The following INPP5A variants were observed in gnomAD, a reference collection of about 807,000 sequenced individuals.
The protein encoded by INPP5A is inositol polyphosphate-5-phosphatase A.
A neutral mutation model predicts 65.2 loss-of-function variants in INPP5A; 14 were observed. The observed-to-expected ratio is 0.21, with a 90% CI of 0.14 to 0.34. The LOEUF (loss-of-function observed/expected upper bound fraction) is 0.34. Among genes scored for constraint, INPP5A ranks in the 10% least tolerant of loss-of-function variants. The pLI is 1.00. For missense variants in INPP5A, 431 were observed against 545.6 expected (o/e 0.79, Z 2.09); for synonymous variants, 207 against 208.3 (o/e 0.99, Z 0.05).
At chr10:132,647,546 G>C (rs982002641) in intron 3 of INPP5A, among the ~76,000 whole-genome samples, 12 of 152,338 alleles carry the variant, frequency 7.9e-5, no homozygotes, top group African/African-American at 2.6e-4. Context: ...AAACAAAGTG[G>C]GTTCTCACCC....
rs1394406898 is a variant in INPP5A at position 132,705,204 on chromosome 10, G to A, written c.475-3109G>A. Among the ~76,000 whole-genome samples the A allele has an allele frequency of 3.9e-5, 6 of 152,196 alleles. No homozygotes were observed. In the East Asian group the frequency reaches 5.8e-4, roughly 15 times the overall value. ...TGTTTCCATTGCAGACACAGTTACC[G>A]ACAGGAAATGAACACAGAGGCTCCC... On this transcript the variant is annotated intron_variant, in intron 6 of 15. Transcript: ENST00000368594. This position sits in a 1 kb window ranked among gnomAD's most constrained non-coding sequence, Gnocchi z 4.9.
At chr10:132,690,974 C>G (rs1013942994) in intron 5 of INPP5A, among the ~76,000 whole-genome samples, 8 of 152,128 alleles carry the variant, frequency 5.3e-5, no homozygotes, top group African/African-American at 1.9e-4. Flanking sequence ...CTCCACACGG[C>G]CTGGGGGTGT....
At chr10:132,612,360 A>G (rs1252922709) in intron 2 of INPP5A, among the ~76,000 whole-genome samples, 2 of 151,996 alleles carry the variant, frequency 1.3e-5, no homozygotes, top group African/African-American at 4.8e-5. Flanking sequence ...GTCTTATCAC[A>G]TGGTGAGCCT....
intron 13 of INPP5A, among the ~76,000 whole-genome samples, chr10:132,780,223 C>T (rs1050879255): frequency 2.2e-4 from 33 of 152,338 alleles, no homozygotes; most frequent in African/African-American, 7.2e-4. Flanking sequence ...CAACCAGAGC[C>T]GAGTGCTGAC....
At chr10:132,754,162 TCCCC>T (rs1291004482) in intron 11 of INPP5A, among the ~76,000 whole-genome samples, 1 of 152,088 alleles carries the variant, frequency 6.6e-6, no homozygotes, top group African/African-American at 2.4e-5. Context: ...CCACACAGGA[TCCCC>T]CCGCCACCTG....
At chr10:132,594,934 G>A (rs183084771) in intron 1 of INPP5A, among the ~76,000 whole-genome samples, 11 of 152,300 alleles carry the variant, frequency 7.2e-5, no homozygotes, top group East Asian at 1.9e-4. Context: ...AGTGGCTTTC[G>A]TTGTTTTCTT....
At position 132,550,054 on chromosome 10, in the gene INPP5A, T is replaced by C. The variant is rs1299267170; in HGVS notation, c.75+11883T>C. On this transcript the variant is annotated intron_variant, in intron 1 of 15. Coordinates refer to ENST00000368594, the MANE Select transcript of INPP5A (RefSeq NM_005539.5). This position sits in a 1 kb window ranked among gnomAD's most constrained non-coding sequence, Gnocchi z 4.2. ...CGGGCATTAGGGGATGGGGTCAGCC[T>C]CGAGTTACTAACCGGGCATTAGGGG... Among the ~76,000 whole-genome samples, 409 of 117,972 alleles carry C rather than the reference T, an allele frequency of 3.5e-3. No homozygotes were observed. The highest frequency in any genetic ancestry group is 0.013 in the African/African-American group (385 of 29,420). The allele number at this position is 117,972 out of a possible 152,430, so 77.4% of individuals were successfully genotyped here.
At chr10:132,654,979 TA>T (rs1361618078) in intron 4 of INPP5A, among the ~76,000 whole-genome samples, 1 of 152,156 alleles carries the variant, frequency 6.6e-6, no homozygotes, top group Non-Finnish European at 1.5e-5. Flanking sequence ...ATGAGGATAT[TA>T]GGCTGGGCGC....
chr10:132,634,356 C>T (rs1402275442), intron 2 of INPP5A, among the ~76,000 whole-genome samples: 1 of 145,382 alleles, frequency 6.9e-6, no homozygotes, highest in African/African-American at 2.7e-5. Flanking sequence ...CCCGGAGAGG[C>T]GTATCATCTC....
intron 2 of INPP5A, among the ~76,000 whole-genome samples, chr10:132,612,143 T>C (rs1431134727): frequency 1.3e-5 from 1 of 78,408 alleles, no homozygotes; most frequent in Non-Finnish European, 2.5e-5. Flanking sequence ...TGAGGGAGGT[T>C]ATGAGTTCGT....
At chr10:132,606,855 A>G (rs753793872) in intron 1 of INPP5A, among the ~76,000 whole-genome samples, 23 of 152,220 alleles carry the variant, frequency 1.5e-4, no homozygotes, top group Non-Finnish European at 2.1e-4. Flanking sequence ...AACCCACAAC[A>G]TTAAATTTAC....
chr10:132,752,210 C>T (rs1846498459), intron 11 of INPP5A, among the ~76,000 whole-genome samples: 2 of 151,870 alleles, frequency 1.3e-5, no homozygotes, highest in South Asian at 2.1e-4. Context: ...AGAGCTGGCT[C>T]CTCAGTGCCA....
At chr10:132,731,038 C>A (rs1180527255) in intron 9 of INPP5A, among the ~76,000 whole-genome samples, 1 of 152,208 alleles carries the variant, frequency 6.6e-6, no homozygotes, top group Non-Finnish European at 1.5e-5. Context: ...CTCAGCTGCT[C>A]CCCAGTGCAT....
intron 7 of INPP5A, among the ~76,000 whole-genome samples, chr10:132,710,030 C>T (rs1021724876): frequency 1.3e-5 from 2 of 152,278 alleles, no homozygotes; most frequent in African/African-American, 4.8e-5. Flanking sequence ...GTGGCCCTTC[C>T]TCTTAGCTTA....
intron 1 of INPP5A, among the ~76,000 whole-genome samples, chr10:132,569,697 T>C (rs1053570325): frequency 9.4e-5 from 14 of 149,532 alleles, no homozygotes; most frequent in African/African-American, 2.2e-4. Flanking sequence ...AGAGATGGGG[T>C]TTCGCCATAT....
chr10:132,781,583 G>A (rs575787637), intron 14 of INPP5A, among the ~76,000 whole-genome samples: 1 of 152,304 alleles, frequency 6.6e-6, no homozygotes, highest in South Asian at 2.1e-4. Context: ...TTTTACATCA[G>A]TTTTTCCATT....
chr10:132,688,694 TG>T (rs1845192193), intron 4 of INPP5A, among the ~76,000 whole-genome samples: 1 of 148,142 alleles, frequency 6.8e-6, no homozygotes, highest in Non-Finnish European at 1.5e-5. Flanking sequence ...CATGAGTGCA[TG>T]TGTGTGCAAG....
chr10:132,763,647 GCA>G (rs750329534), intron 11 of INPP5A, among the ~76,000 whole-genome samples: 20 of 130,850 alleles, frequency 1.5e-4, no homozygotes, highest in African/African-American at 2.9e-4. Context: ...ATGCCTGCAT[GCA>G]CACACACATG....
At chr10:132,658,203 A>G (rs963129999) in intron 4 of INPP5A, among the ~76,000 whole-genome samples, 2 of 152,244 alleles carry the variant, frequency 1.3e-5, no homozygotes, top group Admixed American at 1.3e-4. Flanking sequence ...GTATTCAGCA[A>G]TAAATGTGTC....
Sources: allele counts gnomAD v4.1 joint callset (sites outside exome capture counted in the v4.1 genomes callset), GRCh38; gene constraint gnomAD v4.1.1; non-coding constraint Gnocchi (gnomAD v3.1); transcripts MANE v1.5; gene names NCBI Gene and HGNC (gene_info 2026-07-23, HGNC 2026-07-21).